The following COL25A1 variants were observed in gnomAD, a reference collection of about 807,000 sequenced individuals.
COL25A1 encodes the protein collagen alpha-1(XXV) chain.
COL25A1 carries 103 observed loss-of-function variants against 128.4 expected under a neutral mutation model. That is an observed-to-expected ratio of 0.80 (90% confidence interval 0.68 to 0.94). The LOEUF (loss-of-function observed/expected upper bound fraction) is 0.94. COL25A1 is among the 40% of genes least tolerant of loss of function. COL25A1 has a pLI of 0.00. For missense variants in COL25A1, 745 were observed against 840.0 expected, an observed-to-expected ratio of 0.89 and a Z score of 1.40; for synonymous variants, 279 against 277.2, an observed-to-expected ratio of 1.01 and a Z score of -0.06.
intron 30 of COL25A1, 108 bp downstream of exon 30, chr4:108,844,411 G>T: frequency 6.3e-7 from 1 of 1,580,742 alleles, no homozygotes; most frequent in Non-Finnish European, 8.7e-7. Context: ...CCATTCCACA[G>T]AGAGTAGTAC....
intron 37 of COL25A1, among the ~76,000 whole-genome samples, chr4:108,814,846 G>T (rs1731102073): frequency 1.3e-5 from 2 of 152,164 alleles, no homozygotes; most frequent in African/African-American, 4.8e-5. Flanking sequence ...TATAGGGAAG[G>T]AGAATAACGG....
At chr4:108,860,847 A>T in intron 23 of COL25A1, 80 bp downstream of exon 23, 1 of 1,150,950 alleles carries the variant, frequency 8.7e-7, no homozygotes, top group Non-Finnish European at 1.3e-6. Flanking sequence ...TACAGATGTC[A>T]TATGAATAGC....
At chr4:109,125,987 A>G (rs1190813364) in intron 3 of COL25A1, among the ~76,000 whole-genome samples, 1 of 152,026 alleles carries the variant, frequency 6.6e-6, no homozygotes, top group African/African-American at 2.4e-5. Context: ...AATAACTCCA[A>G]TTCATATTAC....
intron 3 of COL25A1, among the ~76,000 whole-genome samples, chr4:109,126,505 T>A (rs1768630031): frequency 6.6e-6 from 1 of 152,186 alleles, no homozygotes; most frequent in Non-Finnish European, 1.5e-5. Context: ...TATTAGGATA[T>A]AATATAAATT....
intron 12 of COL25A1, 108 bp from the exon 13 acceptor site, chr4:108,918,324 T>TGTTCAGAC: frequency 1.4e-6 from 1 of 717,872 alleles, no homozygotes; most frequent in Non-Finnish European, 2.2e-6. Flanking sequence ...TTCTAGGAAG[T>TGTTCAGAC]CTTATTTTTC....
chr4:108,841,047 C>T (rs1284544864), intron 31 of COL25A1, among the ~76,000 whole-genome samples: 1 of 152,120 alleles, frequency 6.6e-6, no homozygotes, highest in Non-Finnish European at 1.5e-5. Flanking sequence ...TTTTAATCTG[C>T]CAGGATGTCC....
intron 37 of COL25A1, among the ~76,000 whole-genome samples, chr4:108,815,928 T>C (rs935046736): frequency 2.0e-5 from 3 of 152,112 alleles, no homozygotes; most frequent in African/African-American, 7.2e-5. Context: ...GCCTATTGCA[T>C]CTCCTCTATG....
intron 3 of COL25A1, among the ~76,000 whole-genome samples, chr4:109,236,475 C>A (rs1560910459): frequency 6.6e-6 from 1 of 152,014 alleles, no homozygotes; most frequent in Admixed American, 6.6e-5. Flanking sequence ...ATAGCTCATT[C>A]TTAAAAGCTC....
chr4:108,837,734 G>A (rs1188255199), intron 31 of COL25A1, among the ~76,000 whole-genome samples: 1 of 152,098 alleles, frequency 6.6e-6, no homozygotes, highest in African/African-American at 2.4e-5. Context: ...AAACAGTTGA[G>A]GAAGCATTTT....
At chr4:108,824,834 GA>G (rs1042511442) in intron 34 of COL25A1, among the ~76,000 whole-genome samples, 1 of 152,034 alleles carries the variant, frequency 6.6e-6, no homozygotes, top group Non-Finnish European at 1.5e-5. Context: ...ACTGCTTTGA[GA>G]AAAAAACATA....
chr4:108,913,309 C>G (rs1384781882), intron 13 of COL25A1, among the ~76,000 whole-genome samples: 3 of 109,944 alleles, frequency 2.7e-5, no homozygotes, highest in Non-Finnish European at 5.5e-5. Context: ...TCTTGTTGCC[C>G]AGGCTGGAGT....
chr4:109,240,244 T>C (rs1261823149), intron 3 of COL25A1, among the ~76,000 whole-genome samples: 1 of 152,134 alleles, frequency 6.6e-6, no homozygotes. Flanking sequence ...GTATGTGCTA[T>C]ACTTTTGTAT....
chr4:109,111,252 T>A (rs992242598), intron 3 of COL25A1, among the ~76,000 whole-genome samples: 11 of 152,196 alleles, frequency 7.2e-5, no homozygotes, highest in African/African-American at 2.7e-4. Flanking sequence ...TTACAACAAC[T>A]GTGAAGGCCA....
intron 3 of COL25A1, among the ~76,000 whole-genome samples, chr4:109,281,002 A>C (rs1356900414): frequency 2.0e-5 from 3 of 152,200 alleles, no homozygotes. Context: ...ACATGTAGCT[A>C]TAGATATAAC....
chr4:108,948,404 G>A (rs2125940433), intron 8 of COL25A1, among the ~76,000 whole-genome samples: 1 of 152,198 alleles, frequency 6.6e-6, no homozygotes, highest in Middle Eastern at 3.4e-3. Flanking sequence ...TATTAATTAT[G>A]GGAAGAATTA....
chr4:109,005,458 T>G (rs1221435143), intron 6 of COL25A1, among the ~76,000 whole-genome samples: 2 of 152,156 alleles, frequency 1.3e-5, no homozygotes, highest in African/African-American at 2.4e-5. Context: ...AACCCTTTTT[T>G]GGGGGAAGTA....
chr4:109,026,100 G>GCGCA (rs369513602), intron 5 of COL25A1, among the ~76,000 whole-genome samples: 4 of 137,046 alleles, frequency 2.9e-5, no homozygotes, highest in Admixed American at 1.5e-4. Flanking sequence ...AAAACACTTT[G>GCGCA]CACACACACA....
intron 3 of COL25A1, among the ~76,000 whole-genome samples, chr4:109,274,849 C>T (rs1333740273): frequency 6.6e-6 from 1 of 152,128 alleles, no homozygotes; most frequent in African/African-American, 2.4e-5. Context: ...TGTGAATCTT[C>T]TTATATAACA....
rs149254321 is a variant in COL25A1, at chr4:108,841,354, T to A, written c.1656+341A>T. ...CAATTAATAACATCCAAATATACAGTTAGAGACACCATTAAAAAAAAGCAT... is the reference window on the plus strand; with the variant it reads ...CAATTAATAACATCCAAATATACAGATAGAGACACCATTAAAAAAAAGCAT... On this transcript the variant is annotated intron_variant, in intron 31 of 37. Coordinates refer to ENST00000399132, the MANE Select transcript of COL25A1 (RefSeq NM_198721.4). Among the ~76,000 whole-genome samples the A allele has an allele frequency of 5.5e-4, 84 of 152,012 alleles. No homozygotes were observed. The East Asian group carries it at 0.016, about 29-fold the overall frequency.
Sources: gnomAD v4.1 joint callset for allele counts (sites outside exome capture counted in the v4.1 genomes callset) on GRCh38, gnomAD v4.1.1 for gene constraint, MANE v1.5 for transcripts, NCBI Gene and HGNC (gene_info 2026-07-23, HGNC 2026-07-21) for gene names.